The following ITCH variants were observed in gnomAD, a reference collection of about 807,000 sequenced individuals.
The protein encoded by ITCH is E3 ubiquitin-protein ligase Itchy homolog.
A neutral mutation model predicts 126.8 loss-of-function variants in ITCH; 28 were observed. The observed-to-expected ratio is 0.22, with a 90% CI of 0.16 to 0.30. ITCH has a LOEUF of 0.30. Among genes scored for constraint, ITCH ranks in the 10% least tolerant of loss-of-function variants. The probability of loss-of-function intolerance (pLI) is 1.00; values close to 1 mark genes in which losing one functional copy is unlikely to be tolerated. For synonymous variants in ITCH, 342 were observed against 340.0 expected, an observed-to-expected ratio of 1.01 and a Z score of -0.06; for missense variants, 631 against 1,032.4, an observed-to-expected ratio of 0.61 and a Z score of 5.33.
intron 23 of ITCH, among the ~76,000 whole-genome samples, chr20:34,499,009 C>CT (rs934318619): frequency 2.0e-5 from 3 of 149,614 alleles, no homozygotes; most frequent in African/African-American, 7.4e-5. Flanking sequence ...GAGTCTTGCT[C>CT]TTTCACCCAG....
Position 34,462,088 on chromosome 20 carries a change from C to A in ITCH, c.1296-5C>A. The A allele has an allele frequency of 6.2e-7, 1 of 1,613,104 alleles. No homozygotes were observed. The highest frequency in any genetic ancestry group is 8.5e-7 in the Non-Finnish European group (1 of 1,179,340). On this transcript the variant is annotated splice_polypyrimidine_tract_variant and splice_region_variant and intron_variant, in intron 13 of 24. Transcript: ENST00000374864. ...TTTGTTTATGTTTTTTCCTGTGTTT[C>A]GTAGTCAATTAAATGAAAAGCCCTT...
intron 20 of ITCH, among the ~76,000 whole-genome samples, chr20:34,486,477 C>T (rs542107917): frequency 2.4e-4 from 37 of 151,904 alleles, no homozygotes; most frequent in Admixed American, 5.9e-4. Context: ...AGGCACCCGC[C>T]ACCACGCCTG....
intron 7 of ITCH, among the ~76,000 whole-genome samples, chr20:34,438,221 A>G (rs188917457): frequency 6.6e-4 from 101 of 152,314 alleles, no homozygotes; most frequent in African/African-American, 2.3e-3. Flanking sequence ...CATACCTAAT[A>G]GTTCTGAATG....
At chr20:34,433,668 A>C (rs1051185177) in intron 7 of ITCH, among the ~76,000 whole-genome samples, 2 of 151,906 alleles carry the variant, frequency 1.3e-5, no homozygotes, top group African/African-American at 4.8e-5. Context: ...AAAAAAAAAA[A>C]AAAACCCAAA....
At chr20:34,480,559 G>C (rs776403566) in intron 18 of ITCH, 40 bp from the exon 19 acceptor site, 40 of 1,601,542 alleles carry the variant, frequency 2.5e-5, no homozygotes, top group Non-Finnish European at 9.4e-6. Context: ...AATGATTATT[G>C]TACAGTTATT....
intron 16 of ITCH, among the ~76,000 whole-genome samples, chr20:34,475,286 T>A (rs1380499250): frequency 6.6e-6 from 1 of 152,058 alleles, no homozygotes; most frequent in Non-Finnish European, 1.5e-5. Flanking sequence ...CTCGGCACTT[T>A]GGGAGGCCAA....
At chr20:34,368,747 A>T (rs2037511492) in intron 1 of ITCH, among the ~76,000 whole-genome samples, 1 of 152,130 alleles carries the variant, frequency 6.6e-6, no homozygotes, top group Non-Finnish European at 1.5e-5. Context: ...AACTGACTAT[A>T]TCCAGATCCT....
chr20:34,445,302 T>A lies in ITCH; in HGVS notation c.981T>A (p.Val327=), dbSNP rs1461637783. ...TCTGATTTAGCTGGGAACGGCGGGTTGACAACATGGGACGTATTTATTATG... is the reference window on the plus strand; with the variant it reads ...TCTGATTTAGCTGGGAACGGCGGGTAGACAACATGGGACGTATTTATTATG... The part of the protein sequence containing the change: ...EPLPPGWERR[V]DNMGRIYYVD... The change falls in exon 11 of 25, where the codon GTT becomes GTA. Residue 327 remains valine (V), a synonymous_variant. Coordinates refer to ENST00000374864, the MANE Select transcript of ITCH (RefSeq NM_031483.7). The A allele has an allele frequency of 6.2e-7, 1 of 1,611,190 alleles. No homozygotes were observed. The highest frequency in any genetic ancestry group is 8.5e-7 in the Non-Finnish European group (1 of 1,178,872).
chr20:34,424,197 C>CA (rs753159295), intron 6 of ITCH, among the ~76,000 whole-genome samples: 7 of 150,988 alleles, frequency 4.6e-5, no homozygotes, highest in Admixed American at 2.0e-4. Flanking sequence ...AGACATATTT[C>CA]AAAAAAAAGG....
chr20:34,425,860 C>G (rs1273996308), intron 7 of ITCH, among the ~76,000 whole-genome samples: 1 of 152,240 alleles, frequency 6.6e-6, no homozygotes, highest in Admixed American at 6.5e-5. Flanking sequence ...TGGGTCCTCA[C>G]ACGTTGAGCG....
At chr20:34,437,081 A>T (rs2146273471) in intron 7 of ITCH, among the ~76,000 whole-genome samples, 1 of 151,588 alleles carries the variant, frequency 6.6e-6, no homozygotes, top group Middle Eastern at 3.4e-3. Context: ...GTGAGCCGAG[A>T]TCACACCACT....
At chr20:34,409,936 A>G (rs1013205428) in intron 4 of ITCH, among the ~76,000 whole-genome samples, 4 of 152,050 alleles carry the variant, frequency 2.6e-5, no homozygotes, top group Non-Finnish European at 5.9e-5. Flanking sequence ...AGACTGAGCC[A>G]GGAGGATTGT....
At chr20:34,370,969 C>T (rs2037602569) in intron 2 of ITCH, among the ~76,000 whole-genome samples, 1 of 151,840 alleles carries the variant, frequency 6.6e-6, no homozygotes, top group Non-Finnish European at 1.5e-5. Context: ...GAGATCGAGA[C>T]CATCCTGGCT....
chr20:34,396,926 A>G (rs574943083), intron 3 of ITCH, among the ~76,000 whole-genome samples: 1 of 151,968 alleles, frequency 6.6e-6, no homozygotes, highest in African/African-American at 2.4e-5. Context: ...CTGCTCAAAA[A>G]CCTTAGGTAC....
intron 7 of ITCH, among the ~76,000 whole-genome samples, chr20:34,428,150 G>A (rs1981797618): frequency 6.6e-6 from 1 of 152,170 alleles, no homozygotes; most frequent in Non-Finnish European, 1.5e-5. Context: ...CCTTTGAGAT[G>A]ACAGGTTTGA....
intron 20 of ITCH, among the ~76,000 whole-genome samples, chr20:34,483,183 C>G (rs1482234874): frequency 6.6e-6 from 1 of 152,160 alleles, no homozygotes; most frequent in Non-Finnish European, 1.5e-5. Flanking sequence ...CCATGAAGAC[C>G]TCTGACGTGC....
At chr20:34,420,078 T>C (rs997426330) in intron 6 of ITCH, among the ~76,000 whole-genome samples, 1 of 152,204 alleles carries the variant, frequency 6.6e-6, no homozygotes, top group African/African-American at 2.4e-5. Context: ...TCTTCAAATA[T>C]GCTATTAGGA....
chr20:34,373,881 A>ATT (rs562372910), intron 2 of ITCH, among the ~76,000 whole-genome samples: 4 of 145,942 alleles, frequency 2.7e-5, no homozygotes, highest in African/African-American at 7.5e-5. Context: ...ACAAGAGAAC[A>ATT]TTTTTTTTTT....
chr20:34,365,341 TA>T (rs1422098258), intron 1 of ITCH, among the ~76,000 whole-genome samples: 1 of 152,110 alleles, frequency 6.6e-6, no homozygotes, highest in Non-Finnish European at 1.5e-5. Context: ...CATATGAAAT[TA>T]AAAAAATGAG....
Sources: gnomAD v4.1 joint callset for allele counts (sites outside exome capture counted in the v4.1 genomes callset) on GRCh38, gnomAD v4.1.1 for gene constraint, MANE v1.5 for transcripts, NCBI Gene and HGNC (gene_info 2026-07-23, HGNC 2026-07-21) for gene names.